DENND4A: variants seen among roughly 807,000 people sequenced by gnomAD.
DENND4A encodes C-myc promoter-binding protein.
DENND4A carries 70 observed loss-of-function variants against 199.3 expected under a neutral mutation model. The observed-to-expected ratio is 0.35, with a 90% CI of 0.29 to 0.43. The LOEUF is 0.43. Among genes scored for constraint, DENND4A ranks in the 20% least tolerant of loss-of-function variants. The pLI is 1.00. For synonymous variants in DENND4A, 686 were observed against 766.9 expected (o/e 0.89, Z 1.74); for missense variants, 1,723 against 2,255.8 (o/e 0.76, Z 4.78).
At chr15:65,714,490 A>G (rs2075339957) in intron 14 of DENND4A, among the ~76,000 whole-genome samples, 1 of 152,014 alleles carries the variant, frequency 6.6e-6, no homozygotes. Context: ...CCCATATGTA[A>G]CATTCTCCCA....
In DENND4A at chr15:65,785,065, C is replaced by T. The variant is rs201108893; in HGVS notation, c.-102+6945G>A. Reference sequence around the variant, plus strand: ...TTGGGAATTGCTTGAACCTGGGAGGCGGAGGTTGCAGTGAGCCACCACTGC... The same window carrying T: ...TTGGGAATTGCTTGAACCTGGGAGGTGGAGGTTGCAGTGAGCCACCACTGC... On this transcript the variant is annotated intron_variant, in intron 1 of 32. Coordinates refer to ENST00000443035, the MANE Select transcript of DENND4A (RefSeq NM_001320835.1). Among the ~76,000 whole-genome samples, 27 of 151,090 alleles carry T rather than the reference C, an allele frequency of 1.8e-4. No individual in the cohort carries two copies. In the East Asian group the frequency reaches 4.5e-3, roughly 25 times the overall value.
chr15:65,709,719 A>AAATATATATATATAT (rs1218030026), intron 14 of DENND4A, among the ~76,000 whole-genome samples: 2 of 51,474 alleles, frequency 3.9e-5, no homozygotes, highest in African/African-American at 2.0e-4. Flanking sequence ...AAAAAAAAAA[A>AAATATATATATATAT]ATATATATAT....
chr15:65,789,761 T>G (rs1050362540), intron 1 of DENND4A, among the ~76,000 whole-genome samples: 1 of 152,242 alleles, frequency 6.6e-6, no homozygotes, highest in Non-Finnish European at 1.5e-5. Context: ...TTAACTAGGT[T>G]TTTGTAGGAC....
chr15:65,734,987 G>A (rs1337163079), intron 7 of DENND4A, among the ~76,000 whole-genome samples: 2 of 152,150 alleles, frequency 1.3e-5, no homozygotes, highest in Non-Finnish European at 2.9e-5. Context: ...AGGGGCTGAG[G>A]TGGGAGGATG....
intron 1 of DENND4A, among the ~76,000 whole-genome samples, chr15:65,790,586 T>C (rs1008285062): frequency 3.9e-5 from 6 of 152,186 alleles, no homozygotes; most frequent in African/African-American, 1.2e-4. Context: ...TGATAACATA[T>C]GCTGTTCTGG....
intron 23 of DENND4A, among the ~76,000 whole-genome samples, chr15:65,680,007 A>G (rs546239619): frequency 5.9e-5 from 9 of 152,162 alleles, no homozygotes; most frequent in Non-Finnish European, 1.3e-4. Flanking sequence ...TGTCCTTGGT[A>G]TCTCTCCTTC....
intron 20 of DENND4A, among the ~76,000 whole-genome samples, chr15:65,699,814 G>A (rs1318481394): frequency 6.6e-6 from 1 of 151,042 alleles, no homozygotes; most frequent in African/African-American, 2.4e-5. Context: ...CTAGTATCTG[G>A]GAGCACAGGC....
At position 65,756,472 on chromosome 15, in the gene DENND4A, T is replaced by C. The variant is rs1423631153; in HGVS notation, c.-22A>G. 6.4e-7 allele frequency: 1 copy of C among 1,570,702 alleles called. No homozygotes were observed. Among genetic ancestry groups the C allele is most frequent in the South Asian group, 1.2e-5 (1 of 82,794 alleles). ...TCATCTTCCATTACAGAAGGTTACA[T>C]CTAAAAGGAAAGTAAAAGACTAGTA... On this transcript the variant is annotated splice_region_variant and 5_prime_UTR_variant, in exon 3 of 33. An upstream start codon of the reference 5' UTR is lost. Coordinates refer to ENST00000443035, the MANE Select transcript of DENND4A (RefSeq NM_001320835.1).
intron 2 of DENND4A, among the ~76,000 whole-genome samples, chr15:65,759,600 G>A (rs1755082492): frequency 6.6e-6 from 1 of 152,062 alleles, no homozygotes; most frequent in African/African-American, 2.4e-5. Context: ...ATAATAAAGG[G>A]CTTAACCTTT....
intron 18 of DENND4A, 73 bp from the exon 19 acceptor site, chr15:65,701,265 A>C: frequency 3.9e-6 from 5 of 1,284,386 alleles, no homozygotes; most frequent in Non-Finnish European, 5.2e-6. Flanking sequence ...TTCAGAATTA[A>C]GCTAAAGAAT....
At chr15:65,711,857 C>T (rs2075261945) in intron 14 of DENND4A, among the ~76,000 whole-genome samples, 1 of 152,194 alleles carries the variant, frequency 6.6e-6, no homozygotes, top group African/African-American at 2.4e-5. Context: ...GACAGGGTCT[C>T]ACTACGTTGC....
rs574494157 is a variant in DENND4A, at chr15:65,702,901, G to C, written c.2195C>G (p.Pro732Arg). ...TTTTGTTCTTCTGAACATGGGCAAA[G>C]GGCTATTAGGACTACTTGATTTTGA... ...LPSKSSSPNS[P>R]LPMFRRTKQE... The change falls in exon 16 of 33, where the codon CCT (proline) becomes CGT (arginine). Residue 732 changes from proline to arginine, a missense_variant. Pro to Arg is a moderately radical substitution (Grantham distance 103, BLOSUM62 -2). Transcript: ENST00000443035. 6.2e-7 allele frequency: 1 copy of C among 1,613,078 alleles called. No individual in the cohort carries two copies. Among genetic ancestry groups the C allele is most frequent in the East Asian group, 2.2e-5 (1 of 44,742 alleles).
chr15:65,709,426 C>G (rs971626494), intron 14 of DENND4A, among the ~76,000 whole-genome samples: 4 of 152,052 alleles, frequency 2.6e-5, no homozygotes, highest in African/African-American at 9.7e-5. Context: ...ACATTTTGAG[C>G]CGGGCACGGC....
intron 23 of DENND4A, among the ~76,000 whole-genome samples, chr15:65,679,469 T>C (rs1305066115): frequency 6.6e-6 from 1 of 152,186 alleles, no homozygotes; most frequent in Non-Finnish European, 1.5e-5. Context: ...AGTTTTTTGA[T>C]ACTCTATCAA....
chr15:65,729,444 T>G, intron 10 of DENND4A, 90 bp downstream of exon 10: 1 of 1,487,420 alleles, frequency 6.7e-7, no homozygotes, highest in Non-Finnish European at 9.1e-7. Context: ...TCTCTGAATT[T>G]TAGTTAAGTT....
intron 4 of DENND4A, among the ~76,000 whole-genome samples, chr15:65,748,603 C>A: frequency 2.2e-5 from 3 of 138,160 alleles, no homozygotes; most frequent in Non-Finnish European, 3.1e-5. Flanking sequence ...GCCTGGGTGA[C>A]AGAACAAGAT....
chr15:65,702,771 G>A, intron 16 of DENND4A, 102 bp downstream of exon 16: 1 of 1,150,918 alleles, frequency 8.7e-7, no homozygotes, highest in Non-Finnish European at 1.2e-6. Flanking sequence ...TAATAATCTA[G>A]TAATAGTTAT....
At chr15:65,757,322 A>G (rs1363570637) in intron 2 of DENND4A, among the ~76,000 whole-genome samples, 1 of 149,826 alleles carries the variant, frequency 6.7e-6, no homozygotes, top group Non-Finnish European at 1.5e-5. Flanking sequence ...GGGTCAAGTG[A>G]TCCTCCCATC....
intron 23 of DENND4A, among the ~76,000 whole-genome samples, chr15:65,682,698 C>T (rs1287071233): frequency 6.6e-6 from 1 of 152,162 alleles, no homozygotes; most frequent in Non-Finnish European, 1.5e-5. Context: ...TTTTGACATA[C>T]CTTCCTCATT....
Sources: allele counts gnomAD v4.1 joint callset (sites outside exome capture counted in the v4.1 genomes callset), GRCh38; gene constraint gnomAD v4.1.1; transcripts MANE v1.5; gene names NCBI Gene and HGNC (gene_info 2026-07-23, HGNC 2026-07-21).